Variants in KCNT2 observed in about 807,000 individuals in gnomAD.
KCNT2 encodes potassium channel subfamily T member 2.
In KCNT2, 67 loss-of-function variants were observed where a neutral mutation model predicts 153.8. The observed-to-expected ratio is 0.44, with a 90% CI of 0.36 to 0.53. The LOEUF (loss-of-function observed/expected upper bound fraction) is 0.53, where lower values mean the gene tolerates loss of function less well. Ranked by LOEUF, KCNT2 falls within the 20% of genes least tolerant of loss-of-function variation. KCNT2 has a pLI of 0.00. For synonymous variants in KCNT2, 500 were observed against 458.8 expected (o/e 1.09, Z -1.15); for missense variants, 975 against 1,354.8 (o/e 0.72, Z 4.40).
chr1:196,303,676 C>T lies in KCNT2; in HGVS notation c.2595+1558G>A, dbSNP rs1045511212. On this transcript the variant is annotated intron_variant, in intron 22 of 27. Coordinates refer to ENST00000294725, the MANE Select transcript of KCNT2 (RefSeq NM_198503.5). ...TTATGTGCTGTAATCTTTATAATGACCCTACTATTTAAAATAGCTCCTACC... is the reference window on the plus strand; with the variant it reads ...TTATGTGCTGTAATCTTTATAATGATCCTACTATTTAAAATAGCTCCTACC... Among the ~76,000 whole-genome samples the T allele has an allele frequency of 1.3e-5, 2 of 151,992 alleles. 1 individual carries two copies. The highest frequency in any genetic ancestry group is 2.9e-5 in the Non-Finnish European group (2 of 68,000).
At chr1:196,562,184 TC>T (rs1384782765) in intron 1 of KCNT2, among the ~76,000 whole-genome samples, 3 of 152,022 alleles carry the variant, frequency 2.0e-5, no homozygotes, top group African/African-American at 7.2e-5. Context: ...CAGGGCCATT[TC>T]AAAATATGAC....
intron 1 of KCNT2, among the ~76,000 whole-genome samples, chr1:196,519,287 A>G (rs1653027168): frequency 6.6e-6 from 1 of 152,180 alleles, no homozygotes; most frequent in African/African-American, 2.4e-5. Context: ...TCTGAGACAC[A>G]GCTAAGGCAG....
chr1:196,451,068 G>A (rs1193236541), intron 8 of KCNT2, among the ~76,000 whole-genome samples: 3 of 151,386 alleles, frequency 2.0e-5, no homozygotes, highest in African/African-American at 7.3e-5. Context: ...GTCAGCTAAT[G>A]ATTATTGTCA....
At chr1:196,442,694 AAAC>A (rs1232659835) in intron 8 of KCNT2, among the ~76,000 whole-genome samples, 4 of 151,716 alleles carry the variant, frequency 2.6e-5, no homozygotes, top group Admixed American at 1.3e-4. Context: ...AGTAAAAACA[AAAC>A]AACAACAACA....
rs80162069 is a variant in KCNT2 at position 196,338,022 on chromosome 1, A to T, written c.1783+2319T>A. Reference sequence around the variant, plus strand: ...TCAATAAATACTATTTTGGGTACATATTAGGCACACAATAAGTACTTTTTG... The same window carrying T: ...TCAATAAATACTATTTTGGGTACATTTTAGGCACACAATAAGTACTTTTTG... On this transcript the variant is annotated intron_variant, in intron 16 of 27. Transcript: ENST00000294725. 8.9e-3 allele frequency among the ~76,000 whole-genome samples: 1,351 copies of T among 152,216 alleles called. 9 individuals are homozygous for T. Among genetic ancestry groups the T allele is most frequent in the Middle Eastern group, 0.024 (7 of 294 alleles).
chr1:196,364,375 C>A (rs1283155272), intron 14 of KCNT2, among the ~76,000 whole-genome samples: 2 of 152,128 alleles, frequency 1.3e-5, no homozygotes, highest in Non-Finnish European at 2.9e-5. Context: ...TATTAACACC[C>A]ATCCAAAAAC....
chr1:196,296,827 ACT>A (rs527392316), intron 22 of KCNT2, among the ~76,000 whole-genome samples: 93 of 152,116 alleles, frequency 6.1e-4, no homozygotes, highest in Admixed American at 2.6e-3. Flanking sequence ...AATGTACTGT[ACT>A]CTCTTTGACT....
intron 13 of KCNT2, among the ~76,000 whole-genome samples, chr1:196,381,791 A>C (rs1156369182): frequency 2.0e-5 from 3 of 152,156 alleles, no homozygotes; most frequent in Non-Finnish European, 2.9e-5. Flanking sequence ...AAGCTCCCCG[A>C]ACACCTGTCG....
chr1:196,490,054 A>G (rs1450476933), intron 2 of KCNT2, 117 bp from the exon 3 acceptor site: 2 of 511,802 alleles, frequency 3.9e-6, no homozygotes, highest in African/African-American at 2.0e-5. Flanking sequence ...TAGAAGCTGC[A>G]CTACTATAAT....
At chr1:196,568,636 T>C (rs1173385620) in intron 1 of KCNT2, among the ~76,000 whole-genome samples, 1 of 150,794 alleles carries the variant, frequency 6.6e-6, no homozygotes, top group African/African-American at 2.4e-5. Flanking sequence ...CCACCACAGA[T>C]CTGACAGGAG....
chr1:196,489,510 C>A lies in KCNT2; in HGVS notation c.275+328G>T, dbSNP rs572175671. On this transcript the variant is annotated intron_variant, in intron 3 of 27. Coordinates refer to ENST00000294725, the MANE Select transcript of KCNT2 (RefSeq NM_198503.5). ...GCTTCATATTATCTTTTGGGAGTAT[C>A]TGAAAATCAAGAACAAAATTGCATT... Among the ~76,000 whole-genome samples the A allele has an allele frequency of 2.0e-5, 3 of 152,020 alleles. No homozygotes were observed. The East Asian group carries it at 5.8e-4, about 29-fold the overall frequency.
chr1:196,394,697 GA>G (rs898787099), intron 13 of KCNT2, among the ~76,000 whole-genome samples: 14 of 150,030 alleles, frequency 9.3e-5, no homozygotes, highest in East Asian at 2.0e-4. Flanking sequence ...TGAATAGAAA[GA>G]AAAAAAAACT....
Position 196,582,070 on chromosome 1 carries a change from C to G in KCNT2, c.95+26145G>C, listed in dbSNP as rs182253607. The stretch of plus-strand genomic sequence containing the variant: ...ATTTAATATTTACTTATCAACTTCT[C>G]TCCATATGCCAGTACAACGCCAACT... On this transcript the variant is annotated intron_variant, in intron 1 of 27. Transcript: ENST00000294725. Among the ~76,000 whole-genome samples the G allele has an allele frequency of 7.2e-3, 1,096 of 152,150 alleles. 8 individuals carry two copies. Among genetic ancestry groups the G allele is most frequent in the Non-Finnish European group, 0.01 (697 of 68,000 alleles).
chr1:196,519,214 T>C (rs76698705), intron 1 of KCNT2, among the ~76,000 whole-genome samples: 1 of 152,196 alleles, frequency 6.6e-6, no homozygotes, highest in Non-Finnish European at 1.5e-5. Context: ...AACAATGAAA[T>C]TAAGGCAGAA....
chr1:196,425,942 A>C lies in KCNT2; in HGVS notation c.1031T>G (p.Val344Gly). ...ILCPTEMDVQ[V>G]RRVLQIPMWS... ...CATTGGAATCTGCAGTACCCTTCGA[A>C]CCTGTACATCCATTTCAGTAGGACA... The change falls in exon 11 of 28, where the codon GTT (valine) becomes GGT (glycine). Residue 344 changes from valine to glycine, a missense_variant. Transcript: ENST00000294725. 6.2e-7 allele frequency: 1 copy of C among 1,612,274 alleles called. No homozygotes were observed. The highest frequency in any genetic ancestry group is 8.5e-7 in the Non-Finnish European group (1 of 1,178,830).
chr1:196,258,295 GT>G lies in KCNT2; in HGVS notation c.3109del (p.Thr1037ProfsTer5), dbSNP rs1366542359. 1 of 1,613,878 alleles carries G rather than the reference GT, an allele frequency of 6.2e-7. No individual in the cohort carries two copies. The highest frequency in any genetic ancestry group is 1.3e-5 in the African/African-American group (1 of 74,876). ...KHSGKTAEKITQQRLNLYRRS... is the reference protein window; with the variant it reads ...KHSGKTAEKIXQQRLNLYRRS... ...CCTGTAGAGGTTCAGTCGCTGCTGG[GT>G]TATTTTTTCAGCTGTTTTACCAGAG... On this transcript the variant is annotated frameshift_variant, in exon 26 of 28. Transcript: ENST00000294725. LOFTEE classifies it high-confidence loss of function.
At chr1:196,373,318 C>T in intron 13 of KCNT2, 70 bp from the exon 14 acceptor site, 1 of 734,106 alleles carries the variant, frequency 1.4e-6, no homozygotes, top group Non-Finnish European at 2.4e-6. Context: ...AAAAATAAAA[C>T]AAAATGAATA....
chr1:196,339,376 A>G (rs1042584415), intron 16 of KCNT2, among the ~76,000 whole-genome samples: 3 of 152,114 alleles, frequency 2.0e-5, no homozygotes, highest in African/African-American at 7.2e-5. Context: ...GGGTAGAATC[A>G]TGGACATAGG....
intron 1 of KCNT2, among the ~76,000 whole-genome samples, chr1:196,581,314 T>G (rs965066717): frequency 6.6e-6 from 1 of 152,118 alleles, no homozygotes; most frequent in Non-Finnish European, 1.5e-5. Context: ...AAGTTAATTT[T>G]GTAACCTCCA....
Sources: gnomAD v4.1 joint callset for allele counts (sites outside exome capture counted in the v4.1 genomes callset) on GRCh38, gnomAD v4.1.1 for gene constraint, MANE v1.5 for transcripts, NCBI Gene and HGNC (gene_info 2026-07-23, HGNC 2026-07-21) for gene names.